Variants in GRIA3 observed in about 807,000 individuals in gnomAD.
The protein encoded by GRIA3 is glutamate receptor 3.
A neutral mutation model predicts 63.0 loss-of-function variants in GRIA3; 3 were observed. That is an observed-to-expected ratio of 0.05 (90% confidence interval 0.02 to 0.12). GRIA3 has a LOEUF of 0.12. Ranked by LOEUF, GRIA3 falls within the 10% of genes least tolerant of loss-of-function variation. The pLI, the probability that GRIA3 is intolerant of heterozygous loss-of-function variation, is 1.00. For missense variants in GRIA3, 347 were observed against 700.9 expected (o/e 0.50, Z 5.70); for synonymous variants, 274 against 257.9 (o/e 1.06, Z -0.60).
At chrX:123,410,963 T>C (rs2045502247) in intron 10 of GRIA3, among the ~76,000 whole-genome samples, 1 of 111,978 alleles carries the variant, frequency 8.9e-6, no homozygotes, top group Non-Finnish European at 1.9e-5. Context: ...ATAAAGAAAT[T>C]AGGATATTCT....
intron 6 of GRIA3, among the ~76,000 whole-genome samples, chrX:123,395,395 T>A (rs186786864): frequency 3.6e-5 from 4 of 112,519 alleles, no homozygotes; most frequent in Non-Finnish European, 7.5e-5. Context: ...AATATGCCTA[T>A]AACAATTTAC....
chrX:123,348,148 T>C (rs1347084434), intron 4 of GRIA3, among the ~76,000 whole-genome samples: 1 of 112,305 alleles, frequency 8.9e-6, no homozygotes, highest in Non-Finnish European at 1.9e-5. Context: ...CAGATATTCA[T>C]GATTATATTG....
intron 5 of GRIA3, among the ~76,000 whole-genome samples, chrX:123,388,180 T>C (rs949911246): frequency 8.9e-6 from 1 of 111,924 alleles, no homozygotes; most frequent in Non-Finnish European, 1.9e-5. Flanking sequence ...TCCAGGAATT[T>C]ATCCATTTTC....
At chrX:123,465,203 G>A in intron 13 of GRIA3, 91 bp downstream of exon 13, 1 of 947,759 alleles carries the variant, frequency 1.1e-6, no homozygotes, top group South Asian at 2.2e-5. Context: ...TGTGGATTTT[G>A]AGGTAACTTT....
chrX:123,381,797 G>A (rs1415375109), intron 5 of GRIA3, among the ~76,000 whole-genome samples: 1 of 111,904 alleles, frequency 8.9e-6, no homozygotes, highest in Non-Finnish European at 1.9e-5. Context: ...TAATAAAAAA[G>A]GTATCAGAAA....
chrX:123,279,896 A>G (rs1416274593), intron 3 of GRIA3, among the ~76,000 whole-genome samples: 1 of 111,615 alleles, frequency 9.0e-6, no homozygotes, highest in Non-Finnish European at 1.9e-5. Flanking sequence ...GAAAGACAAA[A>G]TTATGTTCAA....
At chrX:123,413,418 T>C (rs369689130) in intron 10 of GRIA3, among the ~76,000 whole-genome samples, 18 of 106,324 alleles carry the variant, frequency 1.7e-4, no homozygotes, top group African/African-American at 5.8e-4. Flanking sequence ...ACTAGAGGGG[T>C]ATTTGCATGC....
intron 4 of GRIA3, among the ~76,000 whole-genome samples, chrX:123,328,564 T>C (rs1428027051): frequency 8.9e-6 from 1 of 112,182 alleles, no homozygotes; most frequent in Non-Finnish European, 1.9e-5. Flanking sequence ...TTCTCTGCCA[T>C]TTAAGGTGTT....
At chrX:123,262,106 C>T (rs1187097314) in intron 3 of GRIA3, among the ~76,000 whole-genome samples, 4 of 111,652 alleles carry the variant, frequency 3.6e-5, no homozygotes, top group Non-Finnish European at 7.5e-5. Context: ...GGATGGACAG[C>T]GGTATAGACC....
intron 5 of GRIA3, among the ~76,000 whole-genome samples, chrX:123,356,183 C>T (rs919036472): frequency 8.9e-6 from 1 of 112,042 alleles, no homozygotes; most frequent in Non-Finnish European, 1.9e-5. Context: ...GATGTCACAA[C>T]AAGGCACCTG....
intron 10 of GRIA3, among the ~76,000 whole-genome samples, chrX:123,413,880 C>A (rs1234086234): frequency 9.0e-6 from 1 of 111,451 alleles, no homozygotes; most frequent in African/African-American, 3.3e-5. Context: ...GAGAGCAGAA[C>A]TAGGAAGGAA....
At chrX:123,430,666 T>C (rs763553719) in intron 12 of GRIA3, among the ~76,000 whole-genome samples, 17 of 110,683 alleles carry the variant, frequency 1.5e-4, no homozygotes, top group Non-Finnish European at 3.0e-4. Context: ...TCTTCAGTGA[T>C]GTCAAGTCAT....
At position 123,254,197 on chromosome X, in the gene GRIA3, G is replaced by A. The variant is rs189496786; in HGVS notation, c.508+655G>A. Among the ~76,000 whole-genome samples, 4 of 111,133 alleles carry A rather than the reference G, an allele frequency of 3.6e-5. No individual in the cohort carries two copies. In the East Asian group the frequency reaches 1.1e-3, roughly 31 times the overall value. Reference sequence around the variant, plus strand: ...TGTTTTAAATAGTGAGACAGTCTACGGCCATACCACTCTAAATATGCCCAG... The same window carrying A: ...TGTTTTAAATAGTGAGACAGTCTACAGCCATACCACTCTAAATATGCCCAG... On this transcript the variant is annotated intron_variant, in intron 3 of 15. Coordinates refer to ENST00000620443, the MANE Select transcript of GRIA3 (RefSeq NM_007325.5).
intron 13 of GRIA3, among the ~76,000 whole-genome samples, chrX:123,474,950 G>T (rs1456408428): frequency 9.0e-6 from 1 of 111,075 alleles, no homozygotes; most frequent in African/African-American, 3.3e-5. Flanking sequence ...GAGATAAGCA[G>T]AAATTTTTAT....
At chrX:123,415,661 T>C (rs1187150402) in intron 10 of GRIA3, among the ~76,000 whole-genome samples, 1 of 111,393 alleles carries the variant, frequency 9.0e-6, no homozygotes, top group Admixed American at 9.5e-5. Flanking sequence ...ATTTTAGAAA[T>C]GATGAGTTTG....
intron 5 of GRIA3, chrX:123,361,152 T>G (rs1381242012): frequency 9.0e-6 from 1 of 111,403 alleles, no homozygotes; most frequent in Non-Finnish European, 1.9e-5. Context: ...AAGGGCCTAT[T>G]TTGCTTAGAG....
At chrX:123,249,742 T>C (rs2044378817) in intron 2 of GRIA3, among the ~76,000 whole-genome samples, 1 of 112,083 alleles carries the variant, frequency 8.9e-6, no homozygotes, top group Non-Finnish European at 1.9e-5. Context: ...CGGTGGCATA[T>C]TATTCCCTGA....
intron 4 of GRIA3, among the ~76,000 whole-genome samples, 178 bp downstream of exon 4, chrX:123,326,391 GA>G (rs1309887625): frequency 9.7e-6 from 1 of 103,375 alleles, no homozygotes; most frequent in Non-Finnish European, 2.0e-5. Flanking sequence ...AAAAAAGAAA[GA>G]AAGAAAAGAG....
intron 12 of GRIA3, among the ~76,000 whole-genome samples, chrX:123,448,772 C>T (rs1020521433): frequency 1.8e-5 from 2 of 111,900 alleles, no homozygotes; most frequent in Admixed American, 1.9e-4. Flanking sequence ...ACTATTAGTT[C>T]TTTTAGCTTC....
Sources: gnomAD v4.1 joint callset for allele counts (sites outside exome capture counted in the v4.1 genomes callset) on GRCh38, gnomAD v4.1.1 for gene constraint, MANE v1.5 for transcripts, NCBI Gene and HGNC (gene_info 2026-07-23, HGNC 2026-07-21) for gene names.